The following PCDH15 variants were observed in gnomAD, a reference collection of about 807,000 sequenced individuals.
PCDH15 encodes protocadherin related 15, also known as protocadherin-15.
Under a neutral mutation model 178.5 loss-of-function variants are expected in PCDH15, and 129 were observed. The observed-to-expected ratio is 0.72, with a 90% CI of 0.63 to 0.84. The LOEUF is 0.84. Among genes scored for constraint, PCDH15 ranks in the 40% least tolerant of loss-of-function variants. The pLI is 0.00. For missense variants in PCDH15, 2,230 were observed against 2,099.9 expected (o/e 1.06, Z -1.21); for synonymous variants, 800 against 732.0 (o/e 1.09, Z -1.50).
intron 7 of PCDH15, among the ~76,000 whole-genome samples, chr10:54,323,450 A>C (rs1274393396): frequency 2.0e-5 from 3 of 152,156 alleles, no homozygotes; most frequent in Non-Finnish European, 4.4e-5. Context: ...ATAGCAAAAA[A>C]CATGGAATCA....
intron 15 of PCDH15, among the ~76,000 whole-genome samples, chr10:54,112,041 G>A (rs2095035214): frequency 6.6e-6 from 1 of 151,736 alleles, no homozygotes; most frequent in African/African-American, 2.4e-5. Flanking sequence ...TACTCGGGAG[G>A]CTGAAGCAGG....
At chr10:54,036,533 C>T (rs1178868061) in intron 18 of PCDH15, among the ~76,000 whole-genome samples, 5 of 151,704 alleles carry the variant, frequency 3.3e-5, no homozygotes, top group African/African-American at 7.3e-5. Flanking sequence ...ATGTTTACAG[C>T]ATAGTTTAGC....
Position 54,346,430 on chromosome 10 carries a change from T to C in PCDH15, c.529A>G (p.Thr177Ala). ...FTGFSGDNGA[T>A]DIDDGPNGQI... Reference sequence around the variant, plus strand: ...CCATTTGGTCCATCATCTATATCTGTAGCTCCATTGTCTCCTGAAAATCCT... The same window carrying C: ...CCATTTGGTCCATCATCTATATCTGCAGCTCCATTGTCTCCTGAAAATCCT... Residue 177 changes from threonine to alanine, a missense_variant, in exon 6 of 38, where the codon ACA (threonine) becomes GCA (alanine). By Grantham distance (58) the Thr-to-Ala change is moderately conservative. Coordinates refer to ENST00000644397, the MANE Select transcript of PCDH15 (RefSeq NM_001384140.1). 1 of 1,613,692 alleles carries C rather than the reference T, an allele frequency of 6.2e-7. No individual in the cohort carries two copies.
chr10:54,405,925 G>A lies in PCDH15; in HGVS notation c.158-26983C>T, dbSNP rs555373806. On this transcript the variant is annotated intron_variant, in intron 3 of 37. Coordinates refer to ENST00000644397, the MANE Select transcript of PCDH15 (RefSeq NM_001384140.1). ...TATTGTTTCACAATTTTTAAAAAAT[G>A]TACAAGAATGTTCTTATTTCTACCA... Among the ~76,000 whole-genome samples, 4 of 151,664 alleles carry A rather than the reference G, an allele frequency of 2.6e-5. No homozygotes were observed. The South Asian group carries it at 6.2e-4, about 24-fold the overall frequency.
At chr10:54,282,801 TA>T (rs1274558604) in intron 8 of PCDH15, among the ~76,000 whole-genome samples, 2 of 152,094 alleles carry the variant, frequency 1.3e-5, no homozygotes, top group African/African-American at 4.8e-5. Flanking sequence ...ATATTGTGAA[TA>T]AAAGTATTGC....
chr10:54,832,048 C>T (rs761456070), intron 3 of PCDH15, among the ~76,000 whole-genome samples: 1 of 151,974 alleles, frequency 6.6e-6, no homozygotes, highest in African/African-American at 2.4e-5. Flanking sequence ...AAAATATAAA[C>T]TTGTTTACAG....
intron 1 of PCDH15, among the ~76,000 whole-genome samples, chr10:55,166,913 C>A (rs1187505010): frequency 6.6e-6 from 1 of 152,022 alleles, no homozygotes; most frequent in African/African-American, 2.4e-5. Context: ...ATATTCTTTA[C>A]CCAGGAAATG....
chr10:54,817,960 G>T (rs1262082734), intron 3 of PCDH15, among the ~76,000 whole-genome samples: 3 of 151,864 alleles, frequency 2.0e-5, no homozygotes, highest in Admixed American at 2.0e-4. Context: ...ACCTCAGAGG[G>T]CAGTATTAGG....
chr10:54,818,595 A>G (rs1952985159), intron 3 of PCDH15, among the ~76,000 whole-genome samples: 1 of 152,032 alleles, frequency 6.6e-6, no homozygotes, highest in Non-Finnish European at 1.5e-5. Context: ...GACTACTGCC[A>G]TGCTGTGAGG....
intron 2 of PCDH15, among the ~76,000 whole-genome samples, chr10:55,614,044 A>C (rs1480827540): frequency 2.0e-5 from 3 of 151,592 alleles, no homozygotes; most frequent in Non-Finnish European, 4.4e-5. Context: ...AACCGGGGAG[A>C]CGGAGCTTGC....
At chr10:55,017,054 C>A (rs1277294106) in intron 2 of PCDH15, among the ~76,000 whole-genome samples, 2 of 152,074 alleles carry the variant, frequency 1.3e-5, no homozygotes, top group African/African-American at 4.8e-5. Context: ...TATGTGTATG[C>A]ATCTATCACA....
chr10:53,818,292 A>G (rs1588908146), intron 33 of PCDH15: 1 of 253,406 alleles, frequency 3.9e-6, no homozygotes, highest in East Asian at 6.8e-5. Flanking sequence ...GTGTATAATG[A>G]CAAACTTTGA....
intron 8 of PCDH15, among the ~76,000 whole-genome samples, chr10:54,263,913 G>A (rs2057497047): frequency 1.3e-5 from 2 of 152,300 alleles, no homozygotes; most frequent in South Asian, 4.1e-4. Flanking sequence ...TGCCAGCACA[G>A]CTAGGATAAA....
At chr10:55,496,975 T>C (rs1390317588) in intron 2 of PCDH15, among the ~76,000 whole-genome samples, 1 of 151,890 alleles carries the variant, frequency 6.6e-6, no homozygotes, top group Non-Finnish European at 1.5e-5. Context: ...AATATGTAGT[T>C]TAGCTGGATT....
chr10:53,974,320 T>C (rs1451158498), intron 21 of PCDH15, among the ~76,000 whole-genome samples: 1 of 152,120 alleles, frequency 6.6e-6, no homozygotes, highest in Non-Finnish European at 1.5e-5. Flanking sequence ...CAGCCAGAAA[T>C]TAAACACAAT....
chr10:54,417,699 C>T (rs1299100203), intron 3 of PCDH15, among the ~76,000 whole-genome samples: 1 of 152,020 alleles, frequency 6.6e-6, no homozygotes, highest in Non-Finnish European at 1.5e-5. Context: ...TATTAACAAA[C>T]TTTGGATAGC....
chr10:54,281,364 A>T (rs554472577), intron 8 of PCDH15, among the ~76,000 whole-genome samples: 4 of 152,154 alleles, frequency 2.6e-5, no homozygotes, highest in African/African-American at 9.6e-5. Flanking sequence ...AATGTATAAC[A>T]GTAAAATAGA....
intron 13 of PCDH15, among the ~76,000 whole-genome samples, chr10:54,168,968 A>G (rs2046563176): frequency 1.3e-5 from 2 of 152,194 alleles, no homozygotes; most frequent in South Asian, 4.1e-4. Context: ...AAGAACTTCC[A>G]AATGCCTGAA....
chr10:54,143,832 A>G (rs2043631011), intron 14 of PCDH15, among the ~76,000 whole-genome samples: 1 of 152,106 alleles, frequency 6.6e-6, no homozygotes, highest in Admixed American at 6.6e-5. Flanking sequence ...TTCTTAATTC[A>G]TGTGTGTTAG....
Sources: allele counts gnomAD v4.1 joint callset (sites outside exome capture counted in the v4.1 genomes callset), GRCh38; gene constraint gnomAD v4.1.1; transcripts MANE v1.5; gene names NCBI Gene and HGNC (gene_info 2026-07-23, HGNC 2026-07-21).